The following ATRNL1 variants were observed in gnomAD, a reference collection of about 807,000 sequenced individuals.
ATRNL1 encodes the protein attractin-like protein 1.
ATRNL1 carries 95 observed loss-of-function variants against 182.7 expected under a neutral mutation model. The observed-to-expected ratio is 0.52, with a 90% CI of 0.44 to 0.62. The LOEUF (loss-of-function observed/expected upper bound fraction) is 0.62. Among genes scored for constraint, ATRNL1 ranks in the 20% least tolerant of loss-of-function variants. ATRNL1 has a pLI of 0.00. For missense variants in ATRNL1, 1,471 were observed against 1,679.5 expected (o/e 0.88, Z 2.17); for synonymous variants, 576 against 568.3 (o/e 1.01, Z -0.19).
chr10:115,459,273 TC>T (rs1373097628), intron 21 of ATRNL1, among the ~76,000 whole-genome samples: 1 of 152,156 alleles, frequency 6.6e-6, no homozygotes, highest in African/African-American at 2.4e-5. Context: ...CAGCAATTGT[TC>T]AGGGAATACG....
At chr10:115,615,901 T>C (rs78335919) in intron 26 of ATRNL1, among the ~76,000 whole-genome samples, 1 of 152,012 alleles carries the variant, frequency 6.6e-6, no homozygotes, top group Non-Finnish European at 1.5e-5. Context: ...TGGACTAATA[T>C]AGAAAATTGG....
chr10:115,293,432 A>T (rs1487125341), intron 15 of ATRNL1, among the ~76,000 whole-genome samples: 1 of 151,934 alleles, frequency 6.6e-6, no homozygotes, highest in African/African-American at 2.4e-5. Flanking sequence ...CTTCCTTTGT[A>T]TATCCTTTCT....
At chr10:115,629,864 C>A (rs1184895889) in intron 26 of ATRNL1, among the ~76,000 whole-genome samples, 1 of 152,052 alleles carries the variant, frequency 6.6e-6, no homozygotes, top group Non-Finnish European at 1.5e-5. Context: ...TAAATGGCTT[C>A]TCGGAGAAGA....
chr10:115,323,618 A>G (rs1292292603), intron 18 of ATRNL1, among the ~76,000 whole-genome samples: 1 of 150,004 alleles, frequency 6.7e-6, no homozygotes, highest in Admixed American at 6.7e-5. Flanking sequence ...CTAATTTTGT[A>G]TTTTTAGTAG....
intron 24 of ATRNL1, among the ~76,000 whole-genome samples, chr10:115,495,900 G>A (rs1293166979): frequency 6.6e-6 from 1 of 152,096 alleles, no homozygotes; most frequent in Non-Finnish European, 1.5e-5. Context: ...TTGATGATCT[G>A]TCTAATATTG....
intron 5 of ATRNL1, among the ~76,000 whole-genome samples, chr10:115,143,819 A>G (rs1554878656): frequency 6.6e-6 from 1 of 152,096 alleles, no homozygotes; most frequent in East Asian, 1.9e-4. Context: ...CTTGTAAGGC[A>G]CTGATCTCAC....
chr10:115,408,293 G>A (rs1029339302), intron 20 of ATRNL1, among the ~76,000 whole-genome samples: 1 of 152,120 alleles, frequency 6.6e-6, no homozygotes, highest in African/African-American at 2.4e-5. Context: ...GTGAGCCACC[G>A]CGCCCGGCCT....
chr10:115,627,696 C>T (rs1289401828), intron 26 of ATRNL1, among the ~76,000 whole-genome samples: 3 of 152,048 alleles, frequency 2.0e-5, no homozygotes, highest in Non-Finnish European at 4.4e-5. Context: ...ATTTATTTGT[C>T]ACTTCATCCC....
Position 115,898,158 on chromosome 10 carries a change from C to T in ATRNL1, c.4019-46500C>T, listed in dbSNP as rs553177628. On this transcript the variant is annotated intron_variant, in intron 28 of 28. Coordinates refer to ENST00000355044, the MANE Select transcript of ATRNL1 (RefSeq NM_207303.4). ...GCCAGGATGGTCTCAATCTCTTGAC[C>T]TCATGATCTGCCCACCTTGGCTTCC... 1.9e-4 allele frequency among the ~76,000 whole-genome samples: 29 copies of T among 152,282 alleles called. 1 individual carries two copies. Among genetic ancestry groups the T allele is most frequent in the Middle Eastern group, 3.4e-3 (1 of 294 alleles).
chr10:115,811,768 C>T (rs1357083201), intron 27 of ATRNL1, among the ~76,000 whole-genome samples: 7 of 151,842 alleles, frequency 4.6e-5, no homozygotes, highest in East Asian at 3.9e-4. Flanking sequence ...GATCTGAAGT[C>T]GTCTCTTTGT....
chr10:115,597,645 T>A, intron 26 of ATRNL1: 2 of 438,236 alleles, frequency 4.6e-6, no homozygotes, highest in South Asian at 3.2e-5. Context: ...GGATCTCAGC[T>A]CACTGCAACC....
intron 25 of ATRNL1, among the ~76,000 whole-genome samples, chr10:115,547,648 A>G (rs1852744735): frequency 1.3e-5 from 2 of 152,196 alleles, no homozygotes; most frequent in African/African-American, 4.8e-5. Flanking sequence ...AATGTAACCT[A>G]TATTCATTTA....
intron 27 of ATRNL1, among the ~76,000 whole-genome samples, chr10:115,741,324 A>G (rs1948133671): frequency 1.3e-5 from 2 of 152,152 alleles, no homozygotes. Context: ...AAATGTCAGT[A>G]GGCAGAGATA....
chr10:115,650,971 C>T lies in ATRNL1; in HGVS notation c.3796-76277C>T, dbSNP rs114891380. On this transcript the variant is annotated intron_variant, in intron 26 of 28. Transcript: ENST00000355044. The stretch of plus-strand genomic sequence containing the variant: ...AACTCTGAATATATTTTAATTTGCC[C>T]ATTGTGGAATATGTGCTATCTAAGA... Among the ~76,000 whole-genome samples the T allele has an allele frequency of 2.7e-3, 418 of 152,186 alleles. 1 individual carries two copies. Among genetic ancestry groups the T allele is most frequent in the African/African-American group, 9.7e-3 (404 of 41,536 alleles).
chr10:115,239,805 T>G (rs1324595136), intron 9 of ATRNL1, among the ~76,000 whole-genome samples: 1 of 152,176 alleles, frequency 6.6e-6, no homozygotes, highest in Non-Finnish European at 1.5e-5. Context: ...TACCACCCTA[T>G]GAGTGGCAAC....
intron 26 of ATRNL1, among the ~76,000 whole-genome samples, chr10:115,725,124 C>T (rs1555059493): frequency 1.3e-5 from 2 of 152,088 alleles, no homozygotes; most frequent in Non-Finnish European, 2.9e-5. Flanking sequence ...TAGTAAAGTC[C>T]TGGGCAAGAA....
intron 27 of ATRNL1, among the ~76,000 whole-genome samples, chr10:115,819,553 C>A (rs576057782): frequency 6.6e-6 from 1 of 152,244 alleles, no homozygotes; most frequent in East Asian, 1.9e-4. Context: ...CCACCAAATT[C>A]TCTCACCAAA....
intron 10 of ATRNL1, among the ~76,000 whole-genome samples, chr10:115,256,056 T>C (rs1225563670): frequency 1.3e-5 from 2 of 152,226 alleles, no homozygotes; most frequent in African/African-American, 4.8e-5. Flanking sequence ...TTATTGAGGA[T>C]TTTCACATCG....
chr10:115,380,453 C>A (rs1046882371), intron 19 of ATRNL1, among the ~76,000 whole-genome samples: 10 of 152,196 alleles, frequency 6.6e-5, no homozygotes, highest in African/African-American at 2.4e-4. Context: ...TAATTATAAT[C>A]TACCTTTAAA....
Sources: gnomAD v4.1 joint callset for allele counts (sites outside exome capture counted in the v4.1 genomes callset) on GRCh38, gnomAD v4.1.1 for gene constraint, MANE v1.5 for transcripts, NCBI Gene and HGNC (gene_info 2026-07-23, HGNC 2026-07-21) for gene names.